The following LRRC7 variants were observed in gnomAD, a reference collection of about 807,000 sequenced individuals.
LRRC7 encodes the protein leucine rich repeat containing 7.
Under a neutral mutation model 175.7 loss-of-function variants are expected in LRRC7, and 23 were observed. The observed-to-expected ratio is 0.13, with a 90% confidence interval of 0.09 to 0.19. The LOEUF is 0.19. LRRC7 is among the 10% of genes least tolerant of loss of function. LRRC7 has a pLI of 1.00. For missense variants in LRRC7, 1,354 were observed against 1,904.7 expected (o/e 0.71, Z 5.38); for synonymous variants, 685 against 680.9 (o/e 1.01, Z -0.09).
At chr1:69,595,192 C>T (rs1053147048) in intron 1 of LRRC7, among the ~76,000 whole-genome samples, 4 of 152,054 alleles carry the variant, frequency 2.6e-5, no homozygotes, top group Admixed American at 2.6e-4. Flanking sequence ...GAGGCTAAAG[C>T]AGGTGGACCA....
At chr1:69,576,183 G>T (rs1045001499) in intron 1 of LRRC7, among the ~76,000 whole-genome samples, 1 of 150,036 alleles carries the variant, frequency 6.7e-6, no homozygotes, top group East Asian at 2.0e-4. Context: ...AGTGAGTTGA[G>T]ATCACACTAC....
chr1:69,747,481 T>C (rs1570607948), intron 2 of LRRC7, among the ~76,000 whole-genome samples: 1 of 152,258 alleles, frequency 6.6e-6, no homozygotes, highest in Non-Finnish European at 1.5e-5. Context: ...TGTATACATA[T>C]TCAGAGTGGA....
At chr1:70,022,591 T>C (rs1657628886) in intron 16 of LRRC7, among the ~76,000 whole-genome samples, 1 of 152,218 alleles carries the variant, frequency 6.6e-6, no homozygotes, top group Non-Finnish European at 1.5e-5. Context: ...ACATTTGGTT[T>C]ATTTATGTAT....
At chr1:70,098,608 A>T (rs545542927) in intron 25 of LRRC7, among the ~76,000 whole-genome samples, 1 of 152,132 alleles carries the variant, frequency 6.6e-6, no homozygotes, top group East Asian at 1.9e-4. Flanking sequence ...AGAAGAATCA[A>T]ATAGATGCAA....
rs1481966691 is a variant in LRRC7, at chr1:69,717,764, A to G, written c.100+39286A>G. Among the ~76,000 whole-genome samples the G allele has an allele frequency of 6.9e-5, 5 of 72,764 alleles. No individual in the cohort carries two copies. The Admixed American group carries it at 7.7e-4, about 11-fold the overall frequency. 47.7% of individuals were successfully genotyped at this position (72,764 alleles called of 152,430 possible). On this transcript the variant is annotated intron_variant, in intron 2 of 26. Coordinates refer to ENST00000651989, the MANE Select transcript of LRRC7 (RefSeq NM_001370785.2). ...TTAAAAGATATTGGAACATGAAAAA[A>G]AGAAAAAAAGAAAGAAAGAAAGAAA...
chr1:69,914,313 A>T (rs1307719653), intron 7 of LRRC7, among the ~76,000 whole-genome samples: 1 of 152,186 alleles, frequency 6.6e-6, no homozygotes, highest in East Asian at 1.9e-4. Flanking sequence ...AAACCTCTGA[A>T]TCTAATAGAA....
At position 69,899,665 on chromosome 1, in the gene LRRC7, T is replaced by C. The variant is rs140044898; in HGVS notation, c.648-31842T>C. On this transcript the variant is annotated intron_variant, in intron 7 of 26. Coordinates refer to ENST00000651989, the MANE Select transcript of LRRC7 (RefSeq NM_001370785.2). Reference sequence around the variant, plus strand: ...TAAAACGATTGCTATGGTTTCAGTGTGGCCCCTCCAAAATTCAGGTGTTGC... The same window carrying C: ...TAAAACGATTGCTATGGTTTCAGTGCGGCCCCTCCAAAATTCAGGTGTTGC... 8.1e-3 allele frequency among the ~76,000 whole-genome samples: 1,228 copies of C among 152,306 alleles called. 14 individuals are homozygous for C. The highest frequency in any genetic ancestry group is 0.027 in the African/African-American group (1,124 of 41,576).
intron 7 of LRRC7, among the ~76,000 whole-genome samples, chr1:69,839,959 T>C (rs1209437100): frequency 2.0e-5 from 3 of 152,022 alleles, no homozygotes; most frequent in African/African-American, 7.2e-5. Context: ...GGCCCAGTAT[T>C]AAACAGAATT....
chr1:69,993,578 G>T (rs1289625871), intron 10 of LRRC7, among the ~76,000 whole-genome samples: 1 of 151,908 alleles, frequency 6.6e-6, no homozygotes, highest in Non-Finnish European at 1.5e-5. Flanking sequence ...AATAAATCTG[G>T]AGAGTCACAT....
At chr1:69,910,609 C>T (rs968948854) in intron 7 of LRRC7, among the ~76,000 whole-genome samples, 11 of 152,198 alleles carry the variant, frequency 7.2e-5, no homozygotes, top group African/African-American at 2.7e-4. Context: ...CAGTCTTCCC[C>T]TACTGGGAGG....
At chr1:69,962,292 A>G (rs957325613) in intron 8 of LRRC7, among the ~76,000 whole-genome samples, 1 of 152,198 alleles carries the variant, frequency 6.6e-6, no homozygotes, top group Admixed American at 6.5e-5. Context: ...ACCACTCCAC[A>G]CCAGTCAGAA....
intron 9 of LRRC7, among the ~76,000 whole-genome samples, chr1:69,985,101 T>A (rs536197574): frequency 6.6e-6 from 1 of 152,338 alleles, no homozygotes; most frequent in African/African-American, 2.4e-5. Context: ...ATTCACTACA[T>A]GCTTTTTTAT....
chr1:69,678,443 T>A lies in LRRC7; in HGVS notation c.65T>A (p.Val22Asp), dbSNP rs1176627043. 6.2e-7 allele frequency: 1 copy of A among 1,605,354 alleles called. No individual in the cohort carries two copies. The highest frequency in any genetic ancestry group is 8.5e-7 in the Non-Finnish European group (1 of 1,176,318). The change falls in exon 2 of 27, where the codon GTT (valine) becomes GAT (aspartate). Residue 22 changes from valine (V) to aspartate (D), a missense_variant. Val to Asp is a radical substitution (Grantham distance 152). Transcript: ENST00000651989. Reference protein sequence around the residue: ...PQYQRSPCKEVRAALRKRPEE... With the variant: ...PQYQRSPCKEDRAALRKRPEE... ...TACCAGAGAAGTCCTTGTAAAGAGG[T>A]TCGTGCAGCACTTCGGAAGAGGCCT...
intron 1 of LRRC7, among the ~76,000 whole-genome samples, chr1:69,628,176 G>A (rs1188601277): frequency 6.6e-6 from 1 of 152,028 alleles, no homozygotes; most frequent in Non-Finnish European, 1.5e-5. Flanking sequence ...TATATGTATT[G>A]GAAAGAAAGA....
At chr1:69,692,527 A>G (rs1256998978) in intron 2 of LRRC7, among the ~76,000 whole-genome samples, 1 of 152,174 alleles carries the variant, frequency 6.6e-6, no homozygotes, top group Non-Finnish European at 1.5e-5. Flanking sequence ...TTCTGAGATT[A>G]CTGGGAGCAG....
chr1:69,676,573 G>A (rs1659798165), intron 1 of LRRC7, among the ~76,000 whole-genome samples: 1 of 152,046 alleles, frequency 6.6e-6, no homozygotes, highest in South Asian at 2.1e-4. Flanking sequence ...AGTATATGCT[G>A]TTAAAGATGC....
rs1236381586 is a variant in LRRC7, at chr1:70,052,991, C to T, written c.4111-35C>T. 1.9e-6 allele frequency: 3 copies of T among 1,558,882 alleles called. No homozygotes were observed. The Admixed American group carries it at 5.8e-5, about 30-fold the overall frequency. ...AGAAAACTATGGTAAACTTCTACTA[C>T]ATCACTAAAGAATGCCATACCATTT... On this transcript the variant is annotated intron_variant, in intron 22 of 26. Coordinates refer to ENST00000651989, the MANE Select transcript of LRRC7 (RefSeq NM_001370785.2).
In LRRC7 at chr1:69,648,547, T is replaced by C. The variant is rs776052422; in HGVS notation, c.3-29834T>C. Among the ~76,000 whole-genome samples, 47 of 152,170 alleles carry C rather than the reference T, an allele frequency of 3.1e-4. 1 individual carries two copies. Among genetic ancestry groups the C allele is most frequent in the Admixed American group, 2.0e-4 (3 of 15,272 alleles). ...AGAGAAATGGGAAAAGCCAGAGTAT[T>C]TCTCTCCCACCACAGGGGCCTTCAC... On this transcript the variant is annotated intron_variant, in intron 1 of 26. Coordinates refer to ENST00000651989, the MANE Select transcript of LRRC7 (RefSeq NM_001370785.2).
chr1:69,879,223 A>AC (rs747170274), intron 7 of LRRC7, among the ~76,000 whole-genome samples: 5 of 134,740 alleles, frequency 3.7e-5, no homozygotes, highest in African/African-American at 7.6e-5. Flanking sequence ...AAAAAAAAAA[A>AC]AAAAAAAAAA....
Sources: allele counts gnomAD v4.1 joint callset (sites outside exome capture counted in the v4.1 genomes callset), GRCh38; gene constraint gnomAD v4.1.1; transcripts MANE v1.5; gene names NCBI Gene and HGNC (gene_info 2026-07-23, HGNC 2026-07-21).